MINPP1: variants seen among roughly 807,000 people sequenced by gnomAD.
MINPP1 encodes the protein multiple inositol-polyphosphate phosphatase 1, also known as multiple inositol polyphosphate phosphatase 1.
MINPP1 carries 28 observed loss-of-function variants against 46.1 expected under a neutral mutation model. The ratio of observed to expected loss-of-function variants is 0.61; its 90% confidence interval spans 0.45 to 0.83. The LOEUF (loss-of-function observed/expected upper bound fraction) is 0.83. MINPP1 is among the 40% of genes least tolerant of loss of function. The pLI, the probability that MINPP1 is intolerant of heterozygous loss-of-function variation, is 0.00. For missense variants in MINPP1, 603 were observed against 610.0 expected, an observed-to-expected ratio of 0.99 and a Z score of 0.12; for synonymous variants, 268 against 249.1, an observed-to-expected ratio of 1.08 and a Z score of -0.72.
intron 2 of MINPP1, among the ~76,000 whole-genome samples, chr10:87,509,363 A>G (rs1851301894): frequency 1.3e-5 from 2 of 152,212 alleles, no homozygotes; most frequent in Admixed American, 1.3e-4. Context: ...TAAGGATCAA[A>G]AAGAAGATGC....
At chr10:87,534,845 G>T (rs1851711404) in intron 4 of MINPP1, among the ~76,000 whole-genome samples, 1 of 152,218 alleles carries the variant, frequency 6.6e-6, no homozygotes, top group Non-Finnish European at 1.5e-5. Context: ...TTCTATGGAA[G>T]AAATGCTTCT....
chr10:87,516,918 T>C (rs1020033510), intron 3 of MINPP1, among the ~76,000 whole-genome samples: 1 of 152,212 alleles, frequency 6.6e-6, no homozygotes, highest in Non-Finnish European at 1.5e-5. Context: ...TTGAACTTTA[T>C]AATGATGGAA....
chr10:87,519,155 A>G (rs1482373922), intron 3 of MINPP1, among the ~76,000 whole-genome samples: 1 of 152,202 alleles, frequency 6.6e-6, no homozygotes, highest in Non-Finnish European at 1.5e-5. Context: ...TGGGAGTTAC[A>G]AACCAGGAAG....
At chr10:87,548,954 A>G (rs1440578146) in intron 4 of MINPP1, among the ~76,000 whole-genome samples, 1 of 152,198 alleles carries the variant, frequency 6.6e-6, no homozygotes, top group Non-Finnish European at 1.5e-5. Context: ...CTAAAATACA[A>G]TTTTAAAACA....
At chr10:87,538,296 C>G (rs1851767249) in intron 4 of MINPP1, among the ~76,000 whole-genome samples, 1 of 152,128 alleles carries the variant, frequency 6.6e-6, no homozygotes, top group East Asian at 1.9e-4. Flanking sequence ...TTCTCACTCC[C>G]ATCTCAGCTG....
chr10:87,532,661 G>T (rs918326364), intron 4 of MINPP1, among the ~76,000 whole-genome samples: 1 of 152,246 alleles, frequency 6.6e-6, no homozygotes, highest in Admixed American at 6.5e-5. Context: ...TAGGAAAGGA[G>T]AATAAAGTAC....
rs534068177 is a variant in MINPP1 at position 87,505,252 on chromosome 10, G to A, written c.337G>A (p.Gly113Arg). The change falls in exon 1 of 5, where the codon GGG becomes AGG. Residue 113 changes from glycine (G) to arginine (R), a missense_variant. Physicochemically the swap from Gly to Arg is moderately radical, Grantham distance 125. Transcript: ENST00000371996. The surrounding 1 kb of genome is among the most constrained non-coding windows in gnomAD (Gnocchi z 4.4). The part of the protein sequence containing the change: ...RQLHGLLQAR[G>R]SRDGGASSTG... ...GCTGCACGGGTTGCTGCAGGCCCGC[G>A]GGTCCAGGGATGGCGGGGCTAGTAG... The A allele has an allele frequency of 1.9e-6, 3 of 1,612,472 alleles. No homozygotes were observed. The highest frequency in any genetic ancestry group is 2.7e-5 in the African/African-American group (2 of 75,030).
chr10:87,513,440 A>G lies in MINPP1; in HGVS notation c.933+219A>G, dbSNP rs184402898. On this transcript the variant is annotated intron_variant, in intron 3 of 4. Coordinates refer to ENST00000371996, the MANE Select transcript of MINPP1 (RefSeq NM_004897.5). ...TAGTTTAGGTTCAAAAAACTCTGGA[A>G]ACATTTTTTCCATGATGATTTGATT... Among the ~76,000 whole-genome samples the G allele has an allele frequency of 6.9e-3, 1,048 of 152,264 alleles. 11 individuals are homozygous for G. The highest frequency in any genetic ancestry group is 0.024 in the Middle Eastern group (7 of 294).
intron 4 of MINPP1, among the ~76,000 whole-genome samples, chr10:87,544,770 C>A (rs1480249911): frequency 1.3e-5 from 2 of 152,066 alleles, no homozygotes; most frequent in Non-Finnish European, 2.9e-5. Flanking sequence ...AATAGTAATA[C>A]TTTACAAAGT....
At chr10:87,542,168 G>A (rs1055012575) in intron 4 of MINPP1, among the ~76,000 whole-genome samples, 1 of 152,130 alleles carries the variant, frequency 6.6e-6, no homozygotes, top group African/African-American at 2.4e-5. Context: ...TTACTCCCAA[G>A]ATACAGTGGT....
intron 2 of MINPP1, 25 bp from the exon 3 acceptor site, chr10:87,513,099 A>C: frequency 6.3e-7 from 1 of 1,587,484 alleles, no homozygotes. Context: ...ATGACCCACA[A>C]AATTTTACCT....
chr10:87,520,529 A>G (rs1589374399), intron 3 of MINPP1, among the ~76,000 whole-genome samples: 1 of 152,310 alleles, frequency 6.6e-6, no homozygotes, highest in East Asian at 1.9e-4. Flanking sequence ...CATGAACCAA[A>G]GTAACTCATT....
intron 2 of MINPP1, 150 bp downstream of exon 2, chr10:87,508,683 C>A (rs1157151445): frequency 1.9e-5 from 14 of 740,264 alleles, no homozygotes; most frequent in African/African-American, 1.6e-4. Flanking sequence ...AAATTGTATA[C>A]CTTGTGCTTA....
In MINPP1 at chr10:87,505,019, C is replaced by G. The variant is rs1851217194; in HGVS notation, c.104C>G (p.Pro35Arg). 1 of 1,613,082 alleles carries G rather than the reference C, an allele frequency of 6.2e-7. No homozygotes were observed. Among genetic ancestry groups the G allele is most frequent in the Non-Finnish European group, 8.5e-7 (1 of 1,179,890 alleles). Residue 35 changes from proline (P) to arginine (R), a missense_variant, in exon 1 of 5, where the codon CCG becomes CGG. Pro to Arg is a moderately radical substitution (Grantham distance 103, BLOSUM62 -2). Around this residue, in one of 3 missense-constraint regions of MINPP1, gnomAD observed 239 missense variants for 189.4 expected, o/e 1.26. Coordinates refer to ENST00000371996, the MANE Select transcript of MINPP1 (RefSeq NM_004897.5). This position sits in a 1 kb window ranked among gnomAD's most constrained non-coding sequence, Gnocchi z 4.4. ...SSLARCSLLEPRDPVASSLSP... is the reference protein window; with the variant it reads ...SSLARCSLLERRDPVASSLSP... ...CTTGCGCGCTGCTCTCTTCTAGAGCCGAGGGACCCGGTGGCCTCGTCGCTC... is the reference window on the plus strand; with the variant it reads ...CTTGCGCGCTGCTCTCTTCTAGAGCGGAGGGACCCGGTGGCCTCGTCGCTC...
At chr10:87,509,345 A>G (rs1339719467) in intron 2 of MINPP1, among the ~76,000 whole-genome samples, 2 of 152,204 alleles carry the variant, frequency 1.3e-5, no homozygotes, top group African/African-American at 4.8e-5. Context: ...CAGGGCCTGG[A>G]TGCTTTATAA....
chr10:87,524,797 C>T (rs1851550966), intron 4 of MINPP1, among the ~76,000 whole-genome samples: 1 of 152,096 alleles, frequency 6.6e-6, no homozygotes, highest in Non-Finnish European at 1.5e-5. Context: ...ACATATACAA[C>T]ATTTATCAGT....
In MINPP1 at chr10:87,505,086, C is replaced by T. The variant is rs753620907; in HGVS notation, c.171C>T (p.Asn57=). Residue 57 remains asparagine (N), a synonymous_variant, in exon 1 of 5, where the codon AAC becomes AAT. Transcript: ENST00000371996. This position sits in a 1 kb window ranked among gnomAD's most constrained non-coding sequence, Gnocchi z 4.4. Reference sequence around the variant, plus strand: ...CCAAGACTCGCTACGAGGATGTCAACCCCGTGCTATTGTCGGGCCCCGAGG... The same window carrying T: ...CCAAGACTCGCTACGAGGATGTCAATCCCGTGCTATTGTCGGGCCCCGAGG... ...FGTKTRYEDV[N]PVLLSGPEAP... 33 of 1,613,518 alleles carry T rather than the reference C, an allele frequency of 2.0e-5. No homozygotes were observed. The highest frequency in any genetic ancestry group is 3.3e-4 in the Middle Eastern group (2 of 6,084).
intron 4 of MINPP1, among the ~76,000 whole-genome samples, chr10:87,524,339 T>G (rs1049262380): frequency 2.6e-5 from 4 of 152,214 alleles, no homozygotes; most frequent in Admixed American, 6.5e-5. Context: ...TCTTAGCTTT[T>G]CTAGAATTGA....
chr10:87,520,490 T>G (rs2131814282), intron 3 of MINPP1, among the ~76,000 whole-genome samples: 1 of 152,088 alleles, frequency 6.6e-6, no homozygotes, highest in East Asian at 1.9e-4. Context: ...TTGGTACACT[T>G]TTATTATTAT....
Sources: gnomAD v4.1 joint callset for allele counts (sites outside exome capture counted in the v4.1 genomes callset) on GRCh38, gnomAD v4.1.1 for gene constraint, gnomAD v4.1.1 regional missense constraint, Gnocchi (gnomAD v3.1) non-coding constraint, MANE v1.5 for transcripts, NCBI Gene and HGNC (gene_info 2026-07-23, HGNC 2026-07-21) for gene names.